The following PIBF1 variants were observed in gnomAD, a reference collection of about 807,000 sequenced individuals.
PIBF1 encodes the protein progesterone-induced-blocking factor 1.
Under a neutral mutation model 112.5 loss-of-function variants are expected in PIBF1, and 90 were observed. That is an observed-to-expected ratio of 0.80 (90% CI 0.67 to 0.95). PIBF1 has a LOEUF of 0.95. Ranked by LOEUF, PIBF1 falls within the 40% of genes least tolerant of loss-of-function variation. The pLI, the probability that PIBF1 is intolerant of heterozygous loss-of-function variation, is 0.00. For synonymous variants in PIBF1, 301 were observed against 288.6 expected, an observed-to-expected ratio of 1.04 and a Z score of -0.44; for missense variants, 915 against 852.3, an observed-to-expected ratio of 1.07 and a Z score of -0.92.
At chr13:72,888,611 G>T (rs1286930467) in intron 10 of PIBF1, among the ~76,000 whole-genome samples, 1 of 151,836 alleles carries the variant, frequency 6.6e-6, no homozygotes. Flanking sequence ...AATCCGTTTA[G>T]AATTAAATAA....
At chr13:72,783,123 G>C (rs994773500) in intron 1 of PIBF1, among the ~76,000 whole-genome samples, 34 of 152,130 alleles carry the variant, frequency 2.2e-4, no homozygotes, top group African/African-American at 7.7e-4. Context: ...GTTGGTTTTA[G>C]TGGTGCCATT....
intron 8 of PIBF1, among the ~76,000 whole-genome samples, chr13:72,830,568 G>A (rs988504345): frequency 2.0e-5 from 3 of 152,192 alleles, no homozygotes; most frequent in African/African-American, 7.2e-5. Flanking sequence ...TTATGTGATG[G>A]ATTACGTTTA....
chr13:72,996,620 T>A (rs61966213), intron 16 of PIBF1, among the ~76,000 whole-genome samples: 1 of 151,958 alleles, frequency 6.6e-6, no homozygotes, highest in Non-Finnish European at 1.5e-5. Context: ...AGACCTCATC[T>A]CTACCAAAAA....
At chr13:72,893,405 T>G (rs1321454858) in intron 10 of PIBF1, among the ~76,000 whole-genome samples, 2 of 152,114 alleles carry the variant, frequency 1.3e-5, no homozygotes, top group Non-Finnish European at 2.9e-5. Flanking sequence ...TGACATTATT[T>G]AGACTTAGGA....
At chr13:72,891,944 T>A (rs2040072637) in intron 10 of PIBF1, among the ~76,000 whole-genome samples, 1 of 152,120 alleles carries the variant, frequency 6.6e-6, no homozygotes, top group South Asian at 2.1e-4. Context: ...GGCCACATAT[T>A]ATATGATTCC....
chr13:72,929,676 T>A (rs1555317401), intron 13 of PIBF1, among the ~76,000 whole-genome samples: 1 of 151,040 alleles, frequency 6.6e-6, no homozygotes, highest in Non-Finnish European at 1.5e-5. Flanking sequence ...CAGTAAAGTT[T>A]AAAAAAAAAG....
rs749326714 is a variant in PIBF1, at chr13:72,827,940, A to T, written c.1097+26A>T. On this transcript the variant is annotated intron_variant, in intron 8 of 17. Coordinates refer to ENST00000326291, the MANE Select transcript of PIBF1 (RefSeq NM_006346.4). ...GCAAGATTTGCATTATTTCCCACGT[A>T]AATAGATACCAATTAACAGATTTTC... 1.5e-5 allele frequency: 22 copies of T among 1,468,028 alleles called. No homozygotes were observed. The East Asian group carries it at 5.0e-4, about 34-fold the overall frequency. The allele number at this position is 1,468,028 out of a possible 1,614,324, so 90.9% of individuals were successfully genotyped here. A position where few individuals can be genotyped will look rare whatever the true frequency, so the allele number is the denominator to read the frequency against.
chr13:72,807,500 G>A (rs1467278445), intron 5 of PIBF1, among the ~76,000 whole-genome samples: 1 of 152,140 alleles, frequency 6.6e-6, no homozygotes, highest in Non-Finnish European at 1.5e-5. Flanking sequence ...GCTTGAACCT[G>A]AGAGGTGGAG....
rs1441069366 is a variant in PIBF1, at chr13:72,917,310, CTAA to C, written c.1730+149_1730+151del. 6 of 414,286 alleles carry C rather than the reference CTAA, an allele frequency of 1.4e-5. No individual in the cohort carries two copies. The Admixed American group carries it at 2.1e-4, about 15-fold the overall frequency. The allele number at this position is 414,286 out of a possible 1,614,324, so 25.7% of individuals were successfully genotyped here. On this transcript the variant is annotated intron_variant, in intron 13 of 17. Coordinates refer to ENST00000326291, the MANE Select transcript of PIBF1 (RefSeq NM_006346.4). ...ATTAAATTTCTCACAAAATAAAACA[CTAA>C]TAATCATGTATTTCATATATATTTA...
At chr13:72,952,653 T>G (rs1389069127) in intron 14 of PIBF1, among the ~76,000 whole-genome samples, 2 of 151,844 alleles carry the variant, frequency 1.3e-5, no homozygotes, top group Non-Finnish European at 2.9e-5. Context: ...TTTTTTAGTT[T>G]TTTTTTACTC....
chr13:72,930,882 A>G (rs1000144500), intron 13 of PIBF1, among the ~76,000 whole-genome samples: 2 of 152,220 alleles, frequency 1.3e-5, no homozygotes, highest in African/African-American at 2.4e-5. Context: ...AGCAAGTGTT[A>G]TAATGTTACC....
At chr13:72,974,174 C>CTGTTT (rs1225143872) in intron 16 of PIBF1, 2 of 154,174 alleles carry the variant, frequency 1.3e-5, no homozygotes, top group South Asian at 2.1e-4. Flanking sequence ...GAGATAAGTT[C>CTGTTT]TGTTTTGTTT....
In PIBF1 at chr13:72,786,576, G is replaced by A. The variant is rs188493246; in HGVS notation, c.252+2855G>A. Among the ~76,000 whole-genome samples, 157 of 152,030 alleles carry A rather than the reference G, an allele frequency of 1.0e-3. No individual in the cohort carries two copies. The Middle Eastern group carries it at 0.024, about 23-fold the overall frequency. ...AACTCTTATGTAATTCTTTGTGTGC[G>A]TCTACCAGTCTTTCTACTCCTACAT... On this transcript the variant is annotated intron_variant, in intron 2 of 17. Transcript: ENST00000326291.
At chr13:72,822,763 A>T (rs577878003) in intron 6 of PIBF1, among the ~76,000 whole-genome samples, 1 of 152,336 alleles carries the variant, frequency 6.6e-6, no homozygotes, top group East Asian at 1.9e-4. Context: ...CCGTATGTGA[A>T]TTTGCAAAGA....
intron 9 of PIBF1, 103 bp downstream of exon 9, chr13:72,835,471 A>G (rs1391800787): frequency 4.8e-6 from 4 of 839,780 alleles, no homozygotes; most frequent in Non-Finnish European, 6.9e-6. Flanking sequence ...CTTTTTTAAT[A>G]CATTAGAGAA....
chr13:72,957,846 G>T (rs2042490957), intron 14 of PIBF1, among the ~76,000 whole-genome samples: 1 of 151,994 alleles, frequency 6.6e-6, no homozygotes, highest in Non-Finnish European at 1.5e-5. Flanking sequence ...CTACTTGGGA[G>T]GCTGAAGTGG....
intron 16 of PIBF1, chr13:72,973,980 T>C (rs948109300): frequency 8.1e-6 from 3 of 371,490 alleles, no homozygotes; most frequent in African/African-American, 6.3e-5. Context: ...GCCTCTCGTC[T>C]TCTTTATCAA....
intron 13 of PIBF1, among the ~76,000 whole-genome samples, chr13:72,919,074 T>C (rs1178928793): frequency 2.0e-5 from 3 of 152,200 alleles, no homozygotes; most frequent in African/African-American, 7.2e-5. Flanking sequence ...AGTAAAATTG[T>C]TTCTTCATCA....
chr13:73,009,551 T>A (rs2044133911), intron 17 of PIBF1, among the ~76,000 whole-genome samples: 1 of 151,940 alleles, frequency 6.6e-6, no homozygotes, highest in Non-Finnish European at 1.5e-5. Context: ...TGTTGGAGAG[T>A]GTCAAGAAAT....
Sources: gnomAD v4.1 joint callset for allele counts (sites outside exome capture counted in the v4.1 genomes callset) on GRCh38, gnomAD v4.1.1 for gene constraint, MANE v1.5 for transcripts, NCBI Gene and HGNC (gene_info 2026-07-23, HGNC 2026-07-21) for gene names.